The following LAMB1 variants were observed in gnomAD, a reference collection of about 807,000 sequenced individuals.
LAMB1 encodes laminin subunit beta-1.
LAMB1 carries 121 observed loss-of-function variants against 222.3 expected under a neutral mutation model. The observed-to-expected ratio is 0.54, with a 90% CI of 0.47 to 0.63. LAMB1 has a LOEUF of 0.63. LAMB1 is among the 30% of genes least tolerant of loss of function. LAMB1 has a pLI of 0.00. For missense variants in LAMB1, 2,172 were observed against 2,240.8 expected (o/e 0.97, Z 0.62); for synonymous variants, 794 against 807.2 (o/e 0.98, Z 0.28).
rs1252167905 is a variant in LAMB1, at chr7:107,937,039, T to C, written c.3946+54A>G. ...CCCCAAAAGTGCTATATTAAAACGT[T>C]AGACATATCGTTAAATCCATTGTCT... On this transcript the variant is annotated intron_variant, in intron 26 of 33. Transcript: ENST00000222399. 3 of 1,454,108 alleles carry C rather than the reference T, an allele frequency of 2.1e-6. No homozygotes were observed. In the African/African-American group the frequency reaches 4.3e-5, roughly 21 times the overall value. 90.1% of individuals were successfully genotyped at this position (1,454,108 alleles called of 1,614,324 possible).
chr7:107,962,913 C>G lies in LAMB1; in HGVS notation c.1849G>C (p.Glu617Gln). 1 of 1,612,124 alleles carries G rather than the reference C, an allele frequency of 6.2e-7. No homozygotes were observed. Among genetic ancestry groups the G allele is most frequent in the Non-Finnish European group, 8.5e-7 (1 of 1,179,020 alleles). Reference sequence around the variant, plus strand: ...CTAAGTGGTTTCTTTACCTGTGGCTCGTAGCGAATTAGGATGTCGTACTCC... The same window carrying G: ...CTAAGTGGTTTCTTTACCTGTGGCTGGTAGCGAATTAGGATGTCGTACTCC... ...SMEYDILIRY[E>Q]PQLPDHWEKA... Residue 617 changes from glutamate (E) to glutamine (Q), a missense_variant, in exon 15 of 34, where the codon GAG (glutamate) becomes CAG (glutamine). Transcript: ENST00000222399.
Position 108,001,753 on chromosome 7 carries a change from C to G in LAMB1, c.38-20G>C. 6.2e-7 allele frequency: 1 copy of G among 1,611,014 alleles called. No homozygotes were observed. Among genetic ancestry groups the G allele is most frequent in the Non-Finnish European group, 8.5e-7 (1 of 1,178,994 alleles). ...ACAGGGCTGCGGGAAGGACAGGCAA[C>G]AGAGTTGGGGGGACACAAGCAGGGA... On this transcript the variant is annotated intron_variant, in intron 2 of 33. Coordinates refer to ENST00000222399, the MANE Select transcript of LAMB1 (RefSeq NM_002291.3).
intron 7 of LAMB1, among the ~76,000 whole-genome samples, chr7:107,983,714 C>T (rs1417093292): frequency 6.6e-6 from 1 of 151,984 alleles, no homozygotes; most frequent in Non-Finnish European, 1.5e-5. Flanking sequence ...GACGGGGTTT[C>T]ACCATGTTGG....
intron 12 of LAMB1, 44 bp downstream of exon 12, chr7:107,974,942 C>A: frequency 9.0e-7 from 1 of 1,109,404 alleles, no homozygotes; most frequent in South Asian, 1.2e-5. Flanking sequence ...TAAAACATGT[C>A]ATCCTCACCA....
chr7:107,973,327 C>T (rs535227324), intron 12 of LAMB1, among the ~76,000 whole-genome samples: 20 of 152,322 alleles, frequency 1.3e-4, no homozygotes, highest in Admixed American at 2.6e-4. Context: ...AGATAACCTC[C>T]ATCCAACAAC....
chr7:107,935,054 T>C (rs919667814), intron 27 of LAMB1, among the ~76,000 whole-genome samples: 1 of 151,960 alleles, frequency 6.6e-6, no homozygotes, highest in Non-Finnish European at 1.5e-5. Flanking sequence ...CTGTCTCTAC[T>C]TAGGAAAAAA....
chr7:107,946,406 C>T (rs1584495626), intron 24 of LAMB1, among the ~76,000 whole-genome samples: 1 of 152,192 alleles, frequency 6.6e-6, no homozygotes, highest in Non-Finnish European at 1.5e-5. Context: ...CTGTCTAGCA[C>T]AGGGGTCATC....
chr7:107,939,075 C>T (rs1394812489), intron 25 of LAMB1, among the ~76,000 whole-genome samples: 1 of 152,176 alleles, frequency 6.6e-6, no homozygotes, highest in Non-Finnish European at 1.5e-5. Flanking sequence ...AACTGTGAAG[C>T]AGTCCCCTCA....
At chr7:107,980,179 G>T (rs143434885) in intron 8 of LAMB1, among the ~76,000 whole-genome samples, 1 of 151,344 alleles carries the variant, frequency 6.6e-6, no homozygotes, top group East Asian at 1.9e-4. Flanking sequence ...CTGCACTCCA[G>T]TCTGGGCAAC....
In LAMB1 at chr7:107,992,617, C is replaced by G. The variant is rs542749490; in HGVS notation, c.423+2270G>C. ...AGTTCCCAGAACAGAAGGGAACAGGCCAGGCGCGGTAGGCACGCCTGTAAT... is the reference window on the plus strand; with the variant it reads ...AGTTCCCAGAACAGAAGGGAACAGGGCAGGCGCGGTAGGCACGCCTGTAAT... On this transcript the variant is annotated intron_variant, in intron 5 of 33. Transcript: ENST00000222399. 4.7e-4 allele frequency among the ~76,000 whole-genome samples: 72 copies of G among 152,338 alleles called. 1 individual carries two copies. Among genetic ancestry groups the G allele is most frequent in the African/African-American group, 1.6e-3 (67 of 41,576 alleles).
At chr7:107,945,384 A>G (rs899130499) in intron 24 of LAMB1, among the ~76,000 whole-genome samples, 9 of 152,104 alleles carry the variant, frequency 5.9e-5, no homozygotes. Context: ...CCTCCTCCAG[A>G]CCTTCCTGTG....
rs1388377378 is a variant in LAMB1 at position 107,972,873 on chromosome 7, A to G, written c.1562+119T>C. 3.8e-6 allele frequency: 3 copies of G among 790,378 alleles called. No homozygotes were observed. The East Asian group carries it at 7.7e-5, about 20-fold the overall frequency. 49.0% of individuals were successfully genotyped at this position (790,378 alleles called of 1,614,324 possible). On this transcript the variant is annotated intron_variant, in intron 13 of 33. Transcript: ENST00000222399. ...ATAGAGGTACCTACACACATTTATC[A>G]AGACATACAAAAAATATTTTGCATG...
At chr7:107,976,431 TG>T (rs2033855798) in intron 9 of LAMB1, among the ~76,000 whole-genome samples, 1 of 152,176 alleles carries the variant, frequency 6.6e-6, no homozygotes, top group Non-Finnish European at 1.5e-5. Flanking sequence ...CTGACCCCCT[TG>T]GGTGCAGCGC....
intron 8 of LAMB1, among the ~76,000 whole-genome samples, chr7:107,978,553 T>C (rs1426249889): frequency 6.6e-6 from 1 of 152,066 alleles, no homozygotes. Context: ...AATGCATACA[T>C]ACCACCTGGA....
chr7:107,985,959 AAAAAC>A, intron 7 of LAMB1, 58 bp downstream of exon 7: 3 of 1,364,312 alleles, frequency 2.2e-6, no homozygotes, highest in Non-Finnish European at 3.1e-6. Context: ...CTCTGTCTCA[AAAAAC>A]AAAACAAAAC....
At chr7:107,935,742 G>A in intron 26 of LAMB1, 86 bp from the exon 27 acceptor site, 2 of 1,410,120 alleles carry the variant, frequency 1.4e-6, no homozygotes, top group South Asian at 1.4e-5. Flanking sequence ...GTGTCTTCGG[G>A]TCCTAAATTT....
intron 7 of LAMB1, among the ~76,000 whole-genome samples, chr7:107,985,374 A>C (rs1426641335): frequency 6.6e-6 from 1 of 152,216 alleles, no homozygotes. Flanking sequence ...CTGTAATCCC[A>C]GCACTTTGGG....
At chr7:107,967,833 G>C (rs560018592) in intron 13 of LAMB1, among the ~76,000 whole-genome samples, 1 of 152,228 alleles carries the variant, frequency 6.6e-6, no homozygotes, top group South Asian at 2.1e-4. Flanking sequence ...ATTAACCAAT[G>C]CAACAAATCA....
intron 5 of LAMB1, among the ~76,000 whole-genome samples, chr7:107,990,642 A>T (rs2034164656): frequency 6.7e-6 from 1 of 150,038 alleles, no homozygotes; most frequent in Admixed American, 6.5e-5. Flanking sequence ...TTTTTGATTC[A>T]GCCCTTTCCT....
Sources: gnomAD v4.1 joint callset for allele counts (sites outside exome capture counted in the v4.1 genomes callset) on GRCh38, gnomAD v4.1.1 for gene constraint, MANE v1.5 for transcripts, NCBI Gene and HGNC (gene_info 2026-07-23, HGNC 2026-07-21) for gene names.